The following GABBR2 variants were observed in gnomAD, a reference collection of about 807,000 sequenced individuals.
The protein encoded by GABBR2 is G-protein coupled receptor 51.
In GABBR2, 23 loss-of-function variants were observed where a neutral mutation model predicts 105.6. That is an observed-to-expected ratio of 0.22 (90% CI 0.16 to 0.31). The LOEUF is 0.31. GABBR2 is among the 10% of genes least tolerant of loss of function. GABBR2 has a pLI of 1.00. For synonymous variants in GABBR2, 478 were observed against 499.7 expected (o/e 0.96, Z 0.58); for missense variants, 734 against 1,245.5 (o/e 0.59, Z 6.18).
At chr9:98,323,921 T>C (rs1236222441) in intron 13 of GABBR2, among the ~76,000 whole-genome samples, 1 of 152,230 alleles carries the variant, frequency 6.6e-6, no homozygotes, top group Non-Finnish European at 1.5e-5. Flanking sequence ...CGGACAGAGC[T>C]ATTCTACTCT....
intron 1 of GABBR2, chr9:98,607,419 C>G: frequency 1.6e-6 from 1 of 639,582 alleles, no homozygotes; most frequent in South Asian, 1.9e-5. Context: ...AGAAGACACA[C>G]TCACACCAGA....
At chr9:98,394,292 G>A (rs201085199) in intron 8 of GABBR2, 37 bp from the exon 9 acceptor site, 2 of 1,486,544 alleles carry the variant, frequency 1.3e-6, no homozygotes, top group Non-Finnish European at 9.4e-7. Context: ...GTTAGACTGG[G>A]ATCTGGGTTT....
chr9:98,394,678 T>G (rs1017685842), intron 8 of GABBR2, among the ~76,000 whole-genome samples: 27 of 152,284 alleles, frequency 1.8e-4, no homozygotes, highest in African/African-American at 6.5e-4. Context: ...CAAAGACAGG[T>G]CAGTCTGCTG....
intron 13 of GABBR2, among the ~76,000 whole-genome samples, chr9:98,315,487 A>G (rs1202115523): frequency 2.0e-5 from 3 of 152,218 alleles, no homozygotes; most frequent in Non-Finnish European, 4.4e-5. Flanking sequence ...GGCATCTGGA[A>G]GAAAATCAAG....
Position 98,385,637 on chromosome 9 carries a change from T to G in GABBR2, c.1662+3A>C. On this transcript the variant is annotated splice_donor_region_variant and intron_variant, in intron 11 of 18. Coordinates refer to ENST00000259455, the MANE Select transcript of GABBR2 (RefSeq NM_005458.8). ...TACCACTGGCTTATGCAGAATGACT[T>G]ACGGTGCAAAGTGTTTCAAAGGTCT... 1 of 1,613,332 alleles carries G rather than the reference T, an allele frequency of 6.2e-7. No individual in the cohort carries two copies. The highest frequency in any genetic ancestry group is 1.1e-5 in the South Asian group (1 of 91,058).
At chr9:98,349,547 G>A (rs1275353663) in intron 13 of GABBR2, among the ~76,000 whole-genome samples, 1 of 151,650 alleles carries the variant, frequency 6.6e-6, no homozygotes, top group Non-Finnish European at 1.5e-5. Flanking sequence ...GTAGAGATGG[G>A]GTTTCACCGT....
At chr9:98,452,874 T>C (rs1026718266) in intron 7 of GABBR2, among the ~76,000 whole-genome samples, 4 of 152,174 alleles carry the variant, frequency 2.6e-5, no homozygotes, top group Non-Finnish European at 5.9e-5. Flanking sequence ...ATGATTTCCA[T>C]TGTGTGAATG....
At chr9:98,510,779 G>C (rs11791711) in intron 3 of GABBR2, among the ~76,000 whole-genome samples, 1 of 151,034 alleles carries the variant, frequency 6.6e-6, no homozygotes, top group Non-Finnish European at 1.5e-5. Context: ...AGCAAGTCCT[G>C]AGTGACCTAC....
At chr9:98,513,473 T>C (rs1827695073) in intron 3 of GABBR2, among the ~76,000 whole-genome samples, 1 of 151,720 alleles carries the variant, frequency 6.6e-6, no homozygotes. Context: ...ACAGGCAACC[T>C]ACAGAATGGG....
Position 98,454,083 on chromosome 9 carries a change from G to A in GABBR2, c.1134C>T (p.Ala378=), listed in dbSNP as rs1415938568. Residue 378 remains alanine, a synonymous_variant, in exon 7 of 19, where the codon GCC becomes GCT. Coordinates refer to ENST00000259455, the MANE Select transcript of GABBR2 (RefSeq NM_005458.8). This position sits in a 1 kb window ranked among gnomAD's most constrained non-coding sequence, Gnocchi z 4.6. ...TLQRAMETLH[A]SSRHQRIQDF... is the part of the protein sequence containing the mutation. ...CCTGGATCCGCTGGTGCCGGCTGCT[G>A]GCATGCAGTGTCTCCATGGCCCTCT... is the stretch of plus-strand genomic sequence containing the variant. 1 of 1,614,116 alleles carries A rather than the reference G, an allele frequency of 6.2e-7. No individual in the cohort carries two copies.
chr9:98,492,475 T>G (rs911594219), intron 4 of GABBR2, among the ~76,000 whole-genome samples: 4 of 151,960 alleles, frequency 2.6e-5, no homozygotes, highest in African/African-American at 9.7e-5. Flanking sequence ...TATATTAGTA[T>G]TTTGTGCATT....
intron 16 of GABBR2, chr9:98,302,930 T>G (rs7869364): frequency 0.14 from 48,786 of 346,392 alleles, 3,912 homozygotes; most frequent in Middle Eastern, 0.25. Flanking sequence ...AAAGAGACAC[T>G]GACGTAGGAA....
chr9:98,381,635 T>C (rs1322625926), intron 11 of GABBR2, among the ~76,000 whole-genome samples: 1 of 152,352 alleles, frequency 6.6e-6, no homozygotes, highest in East Asian at 1.9e-4. Context: ...AGATAATCTA[T>C]GCCTTTTCCC....
intron 1 of GABBR2, among the ~76,000 whole-genome samples, chr9:98,696,883 G>C (rs1830759661): frequency 6.6e-6 from 1 of 152,174 alleles, no homozygotes; most frequent in Non-Finnish European, 1.5e-5. Flanking sequence ...TGCAGGGTTG[G>C]CTGTATATGA....
intron 9 of GABBR2, among the ~76,000 whole-genome samples, chr9:98,390,186 C>T (rs1832153606): frequency 6.6e-6 from 1 of 151,924 alleles, no homozygotes; most frequent in Admixed American, 6.6e-5. Flanking sequence ...ACCAGCCTGG[C>T]CAACATGGGG....
chr9:98,454,312 C>T lies in GABBR2; in HGVS notation c.1000-95G>A, dbSNP rs553023361. 6 of 817,592 alleles carry T rather than the reference C, an allele frequency of 7.3e-6. No individual in the cohort carries two copies. In the African/African-American group the frequency reaches 1.0e-4, roughly 14 times the overall value. The allele number at this position is 817,592 out of a possible 1,614,324, so 50.6% of individuals were successfully genotyped here. On this transcript the variant is annotated intron_variant, in intron 6 of 18. Coordinates refer to ENST00000259455, the MANE Select transcript of GABBR2 (RefSeq NM_005458.8). This position sits in a 1 kb window ranked among gnomAD's most constrained non-coding sequence, Gnocchi z 4.6. The stretch of plus-strand genomic sequence containing the variant: ...AAGAGCTGCTATTCTTCAATGCCCA[C>T]AGGGTGCCAGGTACAGTGCTAGATT...
chr9:98,317,131 C>T lies in GABBR2; in HGVS notation c.1894-5926G>A, dbSNP rs116639613. ...CCCCAGAGCTTTAGGGTGAAGGCTG[C>T]GCTTTGGTGCTGCGAGCTGAACTCA... On this transcript the variant is annotated intron_variant, in intron 13 of 18. Coordinates refer to ENST00000259455, the MANE Select transcript of GABBR2 (RefSeq NM_005458.8). 6.1e-3 allele frequency among the ~76,000 whole-genome samples: 924 copies of T among 152,332 alleles called. 12 individuals are homozygous for T. Among genetic ancestry groups the T allele is most frequent in the African/African-American group, 0.021 (886 of 41,560 alleles).
intron 6 of GABBR2, among the ~76,000 whole-genome samples, chr9:98,463,242 AAAG>A (rs1260719141): frequency 6.6e-6 from 1 of 152,238 alleles, no homozygotes; most frequent in Non-Finnish European, 1.5e-5. Context: ...GAGAGAAATT[AAAG>A]AAGACCTAAC....
intron 2 of GABBR2, among the ~76,000 whole-genome samples, chr9:98,561,389 A>T (rs1318147212): frequency 6.6e-6 from 1 of 152,182 alleles, no homozygotes; most frequent in Non-Finnish European, 1.5e-5. Context: ...ACCAGGAAGA[A>T]TCAGGGCTCC....
Sources: allele counts gnomAD v4.1 joint callset (sites outside exome capture counted in the v4.1 genomes callset), GRCh38; gene constraint gnomAD v4.1.1; non-coding constraint Gnocchi (gnomAD v3.1); transcripts MANE v1.5; gene names NCBI Gene and HGNC (gene_info 2026-07-23, HGNC 2026-07-21).